Variants in RNF139 observed in about 807,000 individuals in gnomAD.
RNF139 encodes E3 ubiquitin-protein ligase RNF139.
Under a neutral mutation model 49.5 loss-of-function variants are expected in RNF139, and 15 were observed. The ratio of observed to expected loss-of-function variants is 0.30; its 90% CI spans 0.20 to 0.47. The LOEUF (loss-of-function observed/expected upper bound fraction) is 0.47. Ranked by LOEUF, RNF139 falls within the 20% of genes least tolerant of loss-of-function variation. The probability of loss-of-function intolerance (pLI) is 1.00; values close to 1 mark genes in which losing one functional copy is unlikely to be tolerated. For missense variants in RNF139, 619 were observed against 806.3 expected (o/e 0.77, Z 2.81); for synonymous variants, 325 against 300.9 (o/e 1.08, Z -0.83).
Position 124,475,280 on chromosome 8 carries a change from C to A in RNF139, c.171C>A (p.Leu57=). The change falls in exon 1 of 2, where the codon CTC becomes CTA. Residue 57 remains leucine, a synonymous_variant. Transcript: ENST00000303545. The part of the protein sequence containing the change: ...SRFCIVLQIF[L]RLFGVFASSI... ...TCTGCATCGTGCTCCAGATCTTCCT[C>A]CGGCTCTTTGGTAAGGGAACAGGGT... is the stretch of plus-strand genomic sequence containing the variant. 1 of 1,613,070 alleles carries A rather than the reference C, an allele frequency of 6.2e-7. No homozygotes were observed. The highest frequency in any genetic ancestry group is 1.1e-5 in the South Asian group (1 of 91,012).
Position 124,474,927 on chromosome 8 carries a change from C to T in RNF139, c.-183C>T, listed in dbSNP as rs1433391242. 10 of 355,246 alleles carry T rather than the reference C, an allele frequency of 2.8e-5. No homozygotes were observed. The highest frequency in any genetic ancestry group is 4.9e-5 in the Non-Finnish European group (10 of 205,274). The allele number at this position is 355,246 out of a possible 1,614,324, so 22.0% of individuals were successfully genotyped here. A position where few individuals can be genotyped will look rare whatever the true frequency, so the allele number is the denominator to read the frequency against. The stretch of plus-strand genomic sequence containing the variant: ...GCCGCCGCCCTCTCGGCCATCGCTG[C>T]CTCCGCCGCCTGCTCCACCTCGAGG... On this transcript the variant is annotated 5_prime_UTR_variant, in exon 1 of 2. Coordinates refer to ENST00000303545, the MANE Select transcript of RNF139 (RefSeq NM_007218.4). This position sits in a 1 kb window ranked among gnomAD's most constrained non-coding sequence, Gnocchi z 4.6.
chr8:124,478,992 T>C (rs1384304845), intron 1 of RNF139, among the ~76,000 whole-genome samples: 2 of 152,192 alleles, frequency 1.3e-5, no homozygotes, highest in Non-Finnish European at 1.5e-5. Flanking sequence ...CCCAGAGTGC[T>C]GGGATTACAG....
At chr8:124,478,968 G>T (rs564321337) in intron 1 of RNF139, among the ~76,000 whole-genome samples, 1 of 152,064 alleles carries the variant, frequency 6.6e-6, no homozygotes, top group Non-Finnish European at 1.5e-5. Context: ...CAGGTGATCT[G>T]CCCACATCGT....
At chr8:124,480,744 T>C (rs913682462) in intron 1 of RNF139, among the ~76,000 whole-genome samples, 1 of 152,118 alleles carries the variant, frequency 6.6e-6, no homozygotes, top group Admixed American at 6.5e-5. Flanking sequence ...GAATCAAAGT[T>C]ATAACCCTTA....
At position 124,475,226 on chromosome 8, in the gene RNF139, C is replaced by T. The variant is rs1247224424; in HGVS notation, c.117C>T (p.Asn39=). 2.5e-6 allele frequency: 4 copies of T among 1,613,620 alleles called. No homozygotes were observed. Among genetic ancestry groups the T allele is most frequent in the East Asian group, 4.5e-5 (2 of 44,822 alleles). ...PCLYIIDAIF[N]SYPDSSQSRF... ...TTTACATCATCGACGCCATCTTCAA[C>T]TCCTACCCGGATTCCAGCCAAAGCC... Residue 39 remains asparagine, a synonymous_variant, in exon 1 of 2, where the codon AAC becomes AAT. Coordinates refer to ENST00000303545, the MANE Select transcript of RNF139 (RefSeq NM_007218.4).
Position 124,487,681 on chromosome 8 carries a change from T to C in RNF139, c.*37T>C. The C allele has an allele frequency of 6.5e-7, 1 of 1,544,912 alleles. No homozygotes were observed. ...TTTATTAATGATTGAGGTATTTGTT[T>C]AAAATTCAGTTCATCCAAAATGGAG... On this transcript the variant is annotated 3_prime_UTR_variant, in exon 2 of 2. Transcript: ENST00000303545.
intron 1 of RNF139, among the ~76,000 whole-genome samples, chr8:124,480,404 TA>T (rs34661621): frequency 0.4 from 35,147 of 88,978 alleles, 4,958 homozygotes; most frequent in Middle Eastern, 0.49. Context: ...ACTCCATCAC[TA>T]AAAAAAAAAA....
At chr8:124,482,093 T>TA (rs1300044773) in intron 1 of RNF139, among the ~76,000 whole-genome samples, 16 of 152,270 alleles carry the variant, frequency 1.1e-4, no homozygotes, top group Admixed American at 5.9e-4. Context: ...TTAATCAGGA[T>TA]AGAGTATTGT....
intron 1 of RNF139, among the ~76,000 whole-genome samples, chr8:124,475,945 C>T (rs1231665398): frequency 6.6e-6 from 1 of 152,238 alleles, no homozygotes; most frequent in Non-Finnish European, 1.5e-5. Context: ...AAAGAGACTT[C>T]TGAAAATCAT....
Position 124,487,671 on chromosome 8 carries a change from G to T in RNF139, c.*27G>T. On this transcript the variant is annotated 3_prime_UTR_variant, in exon 2 of 2. Coordinates refer to ENST00000303545, the MANE Select transcript of RNF139 (RefSeq NM_007218.4). ...GAAAATAGCATTTATTAATGATTGA[G>T]GTATTTGTTTAAAATTCAGTTCATC... is the stretch of plus-strand genomic sequence containing the variant. The T allele has an allele frequency of 1.3e-6, 2 of 1,558,418 alleles. No individual in the cohort carries two copies. Among genetic ancestry groups the T allele is most frequent in the South Asian group, 1.2e-5 (1 of 82,070 alleles).
At position 124,486,519 on chromosome 8, in the gene RNF139, T is replaced by C. The variant is rs772314146; in HGVS notation, c.870T>C (p.Thr290=). 1 of 1,614,096 alleles carries C rather than the reference T, an allele frequency of 6.2e-7. No homozygotes were observed. Among genetic ancestry groups the C allele is most frequent in the African/African-American group, 1.3e-5 (1 of 74,936 alleles). Residue 290 remains threonine (T), a synonymous_variant, in exon 2 of 2, where the codon ACT becomes ACC. Transcript: ENST00000303545. ...LIISGCDSTL[T]VLGMSAVISS... ...TTAGTGGGTGCGATTCTACACTAAC[T>C]GTACTGGGCATGAGTGCTGTAATTT...
At chr8:124,484,657 A>G (rs1816499821) in intron 1 of RNF139, among the ~76,000 whole-genome samples, 1 of 152,188 alleles carries the variant, frequency 6.6e-6, no homozygotes, top group African/African-American at 2.4e-5. Flanking sequence ...TGTCATTCCC[A>G]TTGTTGAAAC....
chr8:124,486,875 T>A lies in RNF139; in HGVS notation c.1226T>A (p.Val409Asp). 6.2e-7 allele frequency: 1 copy of A among 1,614,010 alleles called. No homozygotes were observed. The highest frequency in any genetic ancestry group is 8.5e-7 in the Non-Finnish European group (1 of 1,180,018). Residue 409 changes from valine (V) to aspartate (D), a missense_variant, in exon 2 of 2, where the codon GTT becomes GAT. Val to Asp is a radical substitution (Grantham distance 152, BLOSUM62 -3). Transcript: ENST00000303545. ...LFILPVLLSY[V>D]LWHHYALNTW... The stretch of plus-strand genomic sequence containing the variant: ...ATTCTTCCTGTCTTACTCAGTTATG[T>A]TCTTTGGCATCACTATGCACTAAAT...
At chr8:124,478,824 A>G (rs1157833341) in intron 1 of RNF139, among the ~76,000 whole-genome samples, 1 of 148,734 alleles carries the variant, frequency 6.7e-6, no homozygotes, top group African/African-American at 2.5e-5. Flanking sequence ...GGTTCGGGCG[A>G]TTCTCCGGCC....
intron 1 of RNF139, among the ~76,000 whole-genome samples, chr8:124,484,824 A>G (rs914030482): frequency 6.6e-6 from 1 of 152,156 alleles, no homozygotes; most frequent in Non-Finnish European, 1.5e-5. Flanking sequence ...TGTGAAGAAC[A>G]ATAAAAAGAG....
chr8:124,475,752 G>C (rs1240149213), intron 1 of RNF139, among the ~76,000 whole-genome samples: 3 of 152,198 alleles, frequency 2.0e-5, no homozygotes, highest in Non-Finnish European at 4.4e-5. Flanking sequence ...GGGTCCACAG[G>C]ATCGTGAAGT....
intron 1 of RNF139, among the ~76,000 whole-genome samples, chr8:124,481,543 T>C (rs544185039): frequency 1.3e-5 from 2 of 152,184 alleles, no homozygotes; most frequent in South Asian, 4.1e-4. Context: ...CTTTCATGAG[T>C]TGAGTTCATA....
At position 124,475,175 on chromosome 8, in the gene RNF139, C is replaced by T. The variant is rs1488693037; in HGVS notation, c.66C>T (p.Leu22=). ...RMAHQQVWAA[L]EVALRVPCLY... is the part of the protein sequence containing the mutation. ...CCCATCAGCAGGTCTGGGCGGCGCTCGAAGTGGCGCTCCGGGTGCCCTGCC... is the reference window on the plus strand; with the variant it reads ...CCCATCAGCAGGTCTGGGCGGCGCTTGAAGTGGCGCTCCGGGTGCCCTGCC... The change falls in exon 1 of 2, where the codon CTC becomes CTT. Residue 22 remains leucine, a synonymous_variant. Coordinates refer to ENST00000303545, the MANE Select transcript of RNF139 (RefSeq NM_007218.4). 1.3e-5 allele frequency: 21 copies of T among 1,613,590 alleles called. No individual in the cohort carries two copies. In the Admixed American group the frequency reaches 3.3e-4, roughly 26 times the overall value.
chr8:124,486,093 T>C lies in RNF139; in HGVS notation c.444T>C (p.His148=), dbSNP rs758773961. Residue 148 remains histidine (H), a synonymous_variant, in exon 2 of 2, where the codon CAT becomes CAC. Coordinates refer to ENST00000303545, the MANE Select transcript of RNF139 (RefSeq NM_007218.4). The part of the protein sequence containing the change: ...GIGYVTLLQI[H]SIYSQLIILD... ...GATACGTTACACTACTCCAGATTCATTCCATCTATTCACAATTAATTATTT... is the reference window on the plus strand; with the variant it reads ...GATACGTTACACTACTCCAGATTCACTCCATCTATTCACAATTAATTATTT... The C allele has an allele frequency of 1.5e-4, 239 of 1,614,104 alleles. No homozygotes were observed. The highest frequency in any genetic ancestry group is 2.0e-4 in the Non-Finnish European group (237 of 1,180,034).
Sources: gnomAD v4.1 joint callset for allele counts (sites outside exome capture counted in the v4.1 genomes callset) on GRCh38, gnomAD v4.1.1 for gene constraint, Gnocchi (gnomAD v3.1) non-coding constraint, MANE v1.5 for transcripts, NCBI Gene and HGNC (gene_info 2026-07-23, HGNC 2026-07-21) for gene names.